The following CYP2C19 variants were observed in gnomAD, a reference collection of about 807,000 sequenced individuals.
CYP2C19 encodes cytochrome P450 family 2 subfamily C member 19, also known as cytochrome P450 2C19.
CYP2C19 carries 59 observed loss-of-function variants against 40.9 expected under a neutral mutation model. That is an observed-to-expected ratio of 1.44 (90% confidence interval 1.17 to 1.79). CYP2C19 has a LOEUF of 1.79. Among genes scored for constraint, CYP2C19 ranks in the 40% most tolerant of loss-of-function variants. CYP2C19 has a pLI of 0.00. For synonymous variants in CYP2C19, 253 were observed against 208.7 expected, an observed-to-expected ratio of 1.21 and a Z score of -1.83; for missense variants, 754 against 596.9, an observed-to-expected ratio of 1.26 and a Z score of -2.74.
chr10:94,818,947 C>T (rs1421150424), intron 5 of CYP2C19, among the ~76,000 whole-genome samples: 2 of 151,834 alleles, frequency 1.3e-5, no homozygotes, highest in African/African-American at 2.4e-5. Context: ...TTTTTTTCAG[C>T]ACCACACCAC....
chr10:94,829,348 A>T (rs1029517432), intron 6 of CYP2C19, among the ~76,000 whole-genome samples: 1 of 152,174 alleles, frequency 6.6e-6, no homozygotes. Flanking sequence ...TATTTCTTGG[A>T]GGCTTTGCTC....
intron 5 of CYP2C19, among the ~76,000 whole-genome samples, chr10:94,791,216 C>A (rs976754497): frequency 6.6e-6 from 1 of 151,714 alleles, no homozygotes; most frequent in South Asian, 2.1e-4. Flanking sequence ...TGGTGATATC[C>A]CCTTTATCAT....
intron 5 of CYP2C19, among the ~76,000 whole-genome samples, chr10:94,803,274 TG>T (rs1291363706): frequency 2.6e-5 from 4 of 152,112 alleles, no homozygotes; most frequent in Admixed American, 2.6e-4. Context: ...TCCCTTCCAA[TG>T]GGGGTGTAAC....
Position 94,820,485 on chromosome 10 carries a change from A to G in CYP2C19, c.820-11A>G. The G allele has an allele frequency of 1.2e-6, 2 of 1,614,100 alleles. No homozygotes were observed. Among genetic ancestry groups the G allele is most frequent in the Admixed American group, 1.7e-5 (1 of 60,016 alleles). On this transcript the variant is annotated splice_polypyrimidine_tract_variant and intron_variant, in intron 5 of 8. Transcript: ENST00000371321. ...ATAATTTGTCAGATAATTGCATCAA[A>G]TCATTCCTAGGAAAAGCAAAACCAA...
At chr10:94,846,600 A>T (rs1348440769) in intron 7 of CYP2C19, among the ~76,000 whole-genome samples, 2 of 151,908 alleles carry the variant, frequency 1.3e-5, no homozygotes, top group African/African-American at 2.4e-5. Flanking sequence ...GATGATCTTG[A>T]CCTGAATGGT....
intron 1 of CYP2C19, chr10:94,774,311 G>A (rs1199241429): frequency 6.6e-6 from 1 of 152,122 alleles, no homozygotes; most frequent in Non-Finnish European, 1.5e-5. Context: ...GGCTTATGGA[G>A]GAATAAGTAA....
At chr10:94,811,324 G>A (rs1848919630) in intron 5 of CYP2C19, among the ~76,000 whole-genome samples, 1 of 152,138 alleles carries the variant, frequency 6.6e-6, no homozygotes, top group Non-Finnish European at 1.5e-5. Flanking sequence ...TTTAGAATAA[G>A]TGTGAAGTGG....
chr10:94,813,858 G>T (rs913041740), intron 5 of CYP2C19, among the ~76,000 whole-genome samples: 3 of 151,818 alleles, frequency 2.0e-5, no homozygotes, highest in African/African-American at 7.3e-5. Context: ...AGCTATCTTG[G>T]TGTCTGCCCA....
At chr10:94,768,758 T>G (rs1183149095) in intron 1 of CYP2C19, among the ~76,000 whole-genome samples, 1 of 152,186 alleles carries the variant, frequency 6.6e-6, no homozygotes, top group Non-Finnish European at 1.5e-5. Context: ...GTTGTGGGGT[T>G]GTTTCACGAG....
At chr10:94,816,176 G>A (rs1035010887) in intron 5 of CYP2C19, among the ~76,000 whole-genome samples, 1 of 151,854 alleles carries the variant, frequency 6.6e-6, no homozygotes, top group South Asian at 2.1e-4. Context: ...ATGGAATAAG[G>A]GGGTAGGAAA....
At chr10:94,825,714 A>G (rs1267648111) in intron 6 of CYP2C19, among the ~76,000 whole-genome samples, 9 of 112,674 alleles carry the variant, frequency 8.0e-5, no homozygotes, top group Admixed American at 2.9e-4. Flanking sequence ...TTGGTGTTTT[A>G]GACATGAAGT....
chr10:94,826,428 T>C (rs1174762427), intron 6 of CYP2C19, among the ~76,000 whole-genome samples: 3 of 152,218 alleles, frequency 2.0e-5, no homozygotes, highest in Non-Finnish European at 4.4e-5. Flanking sequence ...CAATTGTGAA[T>C]GGTAGTTCAC....
In CYP2C19 at chr10:94,848,652, A is replaced by G. The variant is rs201024784; in HGVS notation, c.1150-1265A>G. On this transcript the variant is annotated intron_variant, in intron 7 of 8. Transcript: ENST00000371321. Reference sequence around the variant, plus strand: ...GCTTGATGGGGATGGCATTGAATCTATAAATTACCTTGGGCAGTATGGCCA... The same window carrying G: ...GCTTGATGGGGATGGCATTGAATCTGTAAATTACCTTGGGCAGTATGGCCA... Among the ~76,000 whole-genome samples, 399 of 152,000 alleles carry G rather than the reference A, an allele frequency of 2.6e-3. 14 individuals carry two copies. In the East Asian group the frequency reaches 0.062, roughly 24 times the overall value.
Position 94,853,468 on chromosome 10 carries a change from G to A in CYP2C19, c.*554G>A, listed in dbSNP as rs564986389. Among the ~76,000 whole-genome samples, 7 of 151,950 alleles carry A rather than the reference G, an allele frequency of 4.6e-5. No individual in the cohort carries two copies. Among genetic ancestry groups the A allele is most frequent in the Non-Finnish European group, 1.0e-4 (7 of 68,018 alleles). ...TGAAAGTGAGAAACTGTGTCCAGGA[G>A]CAGCTCCAACCTCTAGGGAAATATT... On this transcript the variant is annotated 3_prime_UTR_variant, in exon 9 of 9. Transcript: ENST00000371321.
chr10:94,849,783 G>C, intron 7 of CYP2C19, 134 bp from the exon 8 acceptor site: 1 of 1,115,204 alleles, frequency 9.0e-7, no homozygotes, highest in Non-Finnish European at 1.3e-6. Flanking sequence ...TATCTGTCTG[G>C]AAATGGTACT....
chr10:94,776,664 G>C (rs545817744), intron 3 of CYP2C19, among the ~76,000 whole-genome samples: 1 of 152,206 alleles, frequency 6.6e-6, no homozygotes, highest in East Asian at 1.9e-4. Context: ...AATAATAAGA[G>C]CTATTTATGA....
At chr10:94,790,201 C>G (rs1294426893) in intron 5 of CYP2C19, among the ~76,000 whole-genome samples, 1 of 152,038 alleles carries the variant, frequency 6.6e-6, no homozygotes, top group African/African-American at 2.4e-5. Flanking sequence ...TTTTTGTATC[C>G]TGAGACTTTG....
chr10:94,786,510 A>G (rs1165289955), intron 5 of CYP2C19, among the ~76,000 whole-genome samples: 3 of 152,112 alleles, frequency 2.0e-5, no homozygotes, highest in Non-Finnish European at 4.4e-5. Context: ...AAATGATACC[A>G]TATGAAATAC....
Position 94,820,646 on chromosome 10 carries a change from A to C in CYP2C19, c.961+9A>C, listed in dbSNP as rs1399015614. 1 of 1,614,052 alleles carries C rather than the reference A, an allele frequency of 6.2e-7. No homozygotes were observed. Among genetic ancestry groups the C allele is most frequent in the African/African-American group, 1.3e-5 (1 of 74,938 alleles). Reference sequence around the variant, plus strand: ...GCACCCAGAGGTCACAGGTATGATCACAGAGGATGAGTTAATTGAGTTTTA... The same window carrying C: ...GCACCCAGAGGTCACAGGTATGATCCCAGAGGATGAGTTAATTGAGTTTTA... On this transcript the variant is annotated intron_variant, in intron 6 of 8. Transcript: ENST00000371321.
Sources: gnomAD v4.1 joint callset for allele counts (sites outside exome capture counted in the v4.1 genomes callset) on GRCh38, gnomAD v4.1.1 for gene constraint, MANE v1.5 for transcripts, NCBI Gene and HGNC (gene_info 2026-07-23, HGNC 2026-07-21) for gene names.